Variants in DPP10 observed in about 807,000 individuals in gnomAD.
DPP10 encodes the protein inactive dipeptidyl peptidase 10.
In DPP10, 33 loss-of-function variants were observed where a neutral mutation model predicts 120.9. The observed-to-expected ratio is 0.27, with a 90% CI of 0.21 to 0.37. The LOEUF is 0.37. Ranked by LOEUF, DPP10 falls within the 10% of genes least tolerant of loss-of-function variation. The probability of loss-of-function intolerance (pLI) is 1.00; values close to 1 mark genes in which losing one functional copy is unlikely to be tolerated. For missense variants in DPP10, 816 were observed against 942.8 expected (o/e 0.87, Z 1.76); for synonymous variants, 337 against 326.1 (o/e 1.03, Z -0.36).
intron 5 of DPP10, 23 bp downstream of exon 5, chr2:115,525,995 G>T: frequency 6.3e-7 from 1 of 1,577,186 alleles, no homozygotes; most frequent in South Asian, 1.2e-5. Flanking sequence ...TCTTCTTTGA[G>T]AATACTTTTC....
chr2:115,833,492 C>T (rs138282819), intron 21 of DPP10, among the ~76,000 whole-genome samples: 182 of 152,300 alleles, frequency 1.2e-3, no homozygotes, highest in African/African-American at 4.1e-3. Context: ...ACAACACTTT[C>T]AAGAGCTGTT....
At chr2:115,781,135 A>T (rs187392339) in intron 16 of DPP10, 140 bp downstream of exon 16, 358 of 565,024 alleles carry the variant, frequency 6.3e-4, no homozygotes, top group Non-Finnish European at 5.3e-4. Flanking sequence ...TACATTATAT[A>T]TAGACTTACT....
chr2:115,196,795 G>A (rs187842094), intron 1 of DPP10, among the ~76,000 whole-genome samples: 42 of 152,322 alleles, frequency 2.8e-4, no homozygotes, highest in African/African-American at 9.4e-4. Context: ...ACATATGGAT[G>A]TGTGGGTGTG....
At chr2:114,555,356 G>A (rs560406313) in intron 1 of DPP10, among the ~76,000 whole-genome samples, 1 of 151,798 alleles carries the variant, frequency 6.6e-6, no homozygotes, top group Non-Finnish European at 1.5e-5. Context: ...AACAAGACTG[G>A]CAAGATCTCC....
At chr2:115,038,439 GT>G (rs560574103) in intron 1 of DPP10, among the ~76,000 whole-genome samples, 16 of 150,900 alleles carry the variant, frequency 1.1e-4, no homozygotes, top group Non-Finnish European at 2.1e-4. Context: ...CCCGGCTAAT[GT>G]TTTTTTTAAC....
chr2:115,545,026 G>A (rs571607571), intron 5 of DPP10, among the ~76,000 whole-genome samples: 2 of 151,972 alleles, frequency 1.3e-5, no homozygotes, highest in African/African-American at 4.8e-5. Flanking sequence ...TGTCAGAGGG[G>A]ATGGTAGAAT....
At chr2:114,727,870 ATCTG>A (rs1558677633) in intron 1 of DPP10, among the ~76,000 whole-genome samples, 2 of 152,190 alleles carry the variant, frequency 1.3e-5, no homozygotes, top group African/African-American at 2.4e-5. Context: ...AGTGTCTATT[ATCTG>A]TCTATCACTG....
intron 1 of DPP10, among the ~76,000 whole-genome samples, chr2:114,709,003 G>A (rs575113502): frequency 1.1e-4 from 17 of 152,206 alleles, no homozygotes; most frequent in African/African-American, 3.9e-4. Context: ...GGACCCACCC[G>A]CCTCTGCCTC....
chr2:115,495,484 T>C (rs1204181530), intron 3 of DPP10, among the ~76,000 whole-genome samples: 1 of 151,958 alleles, frequency 6.6e-6, no homozygotes, highest in Admixed American at 6.6e-5. Flanking sequence ...TTTTTGGTCC[T>C]GATAGATAAG....
intron 1 of DPP10, among the ~76,000 whole-genome samples, chr2:115,277,447 CTTTTTTTTTTTTTTT>C (rs70941038): frequency 2.0e-5 from 1 of 49,742 alleles, no homozygotes; most frequent in Non-Finnish European, 3.4e-5. Context: ...CTGCCAGGGC[CTTTTTTTTTTTTTTT>C]TTTTTTTTTT....
chr2:114,947,383 G>GT (rs1005828026), intron 1 of DPP10, among the ~76,000 whole-genome samples: 33 of 142,456 alleles, frequency 2.3e-4, no homozygotes, highest in African/African-American at 3.9e-4. Flanking sequence ...ATCTCTTGGT[G>GT]TTTTTTTTTT....
chr2:115,095,870 A>T (rs1265675053), intron 1 of DPP10, among the ~76,000 whole-genome samples: 1 of 152,158 alleles, frequency 6.6e-6, no homozygotes, highest in Non-Finnish European at 1.5e-5. Flanking sequence ...TAGTAGTATT[A>T]AGTGGTGTAA....
intron 5 of DPP10, among the ~76,000 whole-genome samples, chr2:115,530,449 G>A (rs1054698120): frequency 2.8e-4 from 42 of 152,108 alleles, no homozygotes; most frequent in Admixed American, 5.2e-4. Flanking sequence ...AGAGCAGACA[G>A]CTAAAAATGA....
intron 1 of DPP10, among the ~76,000 whole-genome samples, chr2:114,715,417 A>T (rs763722223): frequency 6.6e-6 from 1 of 152,160 alleles, no homozygotes; most frequent in Non-Finnish European, 1.5e-5. Flanking sequence ...AAATGAAAAA[A>T]AATCAATATT....
intron 1 of DPP10, among the ~76,000 whole-genome samples, chr2:114,620,013 C>A (rs1693975829): frequency 6.6e-6 from 1 of 151,954 alleles, no homozygotes; most frequent in Non-Finnish European, 1.5e-5. Context: ...TCAATTATTA[C>A]TTAAAAAGGT....
chr2:114,450,316 C>G (rs192691188), intron 1 of DPP10, among the ~76,000 whole-genome samples: 1 of 152,180 alleles, frequency 6.6e-6, no homozygotes, highest in Non-Finnish European at 1.5e-5. Context: ...CTTACCTAAT[C>G]GCCGATGTTC....
At chr2:114,546,750 T>A (rs894776971) in intron 1 of DPP10, among the ~76,000 whole-genome samples, 2 of 152,244 alleles carry the variant, frequency 1.3e-5, no homozygotes, top group African/African-American at 4.8e-5. Context: ...TGTATGAGTC[T>A]GATGCTGAGA....
intron 1 of DPP10, among the ~76,000 whole-genome samples, chr2:114,914,450 G>A (rs922491010): frequency 1.1e-4 from 17 of 152,086 alleles, no homozygotes; most frequent in African/African-American, 3.6e-4. Context: ...TTTTTATTCA[G>A]CCAAACTAAG....
intron 1 of DPP10, among the ~76,000 whole-genome samples, chr2:114,832,086 A>T (rs1228624754): frequency 6.6e-6 from 1 of 152,056 alleles, no homozygotes; most frequent in Non-Finnish European, 1.5e-5. Flanking sequence ...TCACCTTCCA[A>T]CACTACCTTA....
Sources: allele counts gnomAD v4.1 joint callset (sites outside exome capture counted in the v4.1 genomes callset), GRCh38; gene constraint gnomAD v4.1.1; transcripts MANE v1.5; gene names NCBI Gene and HGNC (gene_info 2026-07-23, HGNC 2026-07-21).